Variants in ALKBH3 observed in about 807,000 individuals in gnomAD.
ALKBH3 encodes alkB homolog 3, alpha-ketoglutarate dependent dioxygenase.
In ALKBH3, 51 loss-of-function variants were observed where a neutral mutation model predicts 43.9. The ratio of observed to expected loss-of-function variants is 1.16; its 90% confidence interval spans 0.93 to 1.47. The LOEUF is 1.47. ALKBH3 is among the 40% of genes most tolerant of loss of function. ALKBH3 has a pLI of 0.00. For missense variants in ALKBH3, 361 were observed against 351.9 expected, an observed-to-expected ratio of 1.03 and a Z score of -0.21; for synonymous variants, 102 against 115.2, an observed-to-expected ratio of 0.89 and a Z score of 0.73.
chr11:43,915,696 A>G (rs1488651831), intron 8 of ALKBH3, among the ~76,000 whole-genome samples: 2 of 152,228 alleles, frequency 1.3e-5, no homozygotes, highest in Admixed American at 1.3e-4. Context: ...TTCTATAACC[A>G]TATTTTTGAA....
chr11:43,889,980 G>T (rs775974599), intron 6 of ALKBH3, 152 bp downstream of exon 6: 265 of 645,784 alleles, frequency 4.1e-4, no homozygotes, highest in Non-Finnish European at 6.3e-4. Context: ...AAAAGGACAG[G>T]GAAGAGTATT....
intron 8 of ALKBH3, chr11:43,912,613 A>G (rs918435010): frequency 1.3e-5 from 2 of 152,206 alleles, no homozygotes; most frequent in African/African-American, 4.8e-5. Flanking sequence ...GGAATCAGAG[A>G]TGATGTGGAA....
At chr11:43,888,404 A>G (rs1951760939) in intron 5 of ALKBH3, among the ~76,000 whole-genome samples, 3 of 152,222 alleles carry the variant, frequency 2.0e-5, no homozygotes, top group Non-Finnish European at 4.4e-5. Flanking sequence ...TACGTGGCCT[A>G]GGATAGATTT....
intron 8 of ALKBH3, among the ~76,000 whole-genome samples, chr11:43,911,145 G>A (rs1951935566): frequency 6.6e-6 from 1 of 152,238 alleles, no homozygotes; most frequent in South Asian, 2.1e-4. Context: ...AATTTGGGAA[G>A]AGGCAAGAGT....
chr11:43,919,820 G>T, intron 9 of ALKBH3, 98 bp from the exon 10 acceptor site: 1 of 1,136,842 alleles, frequency 8.8e-7, no homozygotes, highest in Non-Finnish European at 1.3e-6. Flanking sequence ...GGATGAGATG[G>T]AAATATTTCT....
chr11:43,903,774 A>G (rs561788738), intron 8 of ALKBH3, among the ~76,000 whole-genome samples: 1 of 152,260 alleles, frequency 6.6e-6, no homozygotes, highest in African/African-American at 2.4e-5. Context: ...CTATTTATAG[A>G]TTTGAAGCTT....
rs1951729047 is a variant in ALKBH3 at position 43,883,656 on chromosome 11, G to A, written c.184-327G>A. On this transcript the variant is annotated intron_variant, in intron 3 of 9. Coordinates refer to ENST00000302708, the MANE Select transcript of ALKBH3 (RefSeq NM_139178.4). Reference sequence around the variant, plus strand: ...TTAAAAAGTTGGGTTTCTTGCCATAGTAACAACCCTATAAATAATTATTAA... The same window carrying A: ...TTAAAAAGTTGGGTTTCTTGCCATAATAACAACCCTATAAATAATTATTAA... Among the ~76,000 whole-genome samples the A allele has an allele frequency of 2.0e-5, 3 of 152,176 alleles. No homozygotes were observed. In the South Asian group the frequency reaches 6.2e-4, roughly 31 times the overall value.
rs777193889 is a variant in ALKBH3, at chr11:43,892,108, C to G, written c.438C>G (p.Ile146Met). 4.3e-6 allele frequency: 7 copies of G among 1,612,338 alleles called. No homozygotes were observed. The Admixed American group carries it at 8.3e-5, about 19-fold the overall frequency. Residue 146 changes from isoleucine to methionine, a missense_variant, in exon 7 of 10, where the codon ATC becomes ATG. Transcript: ENST00000302708. ...AACTTCCTTACACTTATTCAAGAAT[C>G]ACTATGGAACCAAATCCTCACGTAT... ...YGELPYTYSR[I>M]TMEPNPHWHP...
At chr11:43,903,259 T>C (rs536875853) in intron 8 of ALKBH3, among the ~76,000 whole-genome samples, 11 of 152,316 alleles carry the variant, frequency 7.2e-5, no homozygotes, top group African/African-American at 2.4e-4. Context: ...CACTTGAGAA[T>C]CAGACAAACC....
intron 3 of ALKBH3, among the ~76,000 whole-genome samples, chr11:43,883,773 A>G (rs1436778666): frequency 6.6e-6 from 1 of 152,180 alleles, no homozygotes; most frequent in South Asian, 2.1e-4. Context: ...TATTCTATTA[A>G]TAATTGTATC....
chr11:43,898,176 C>T (rs772329155), intron 7 of ALKBH3: 21 of 1,221,440 alleles, frequency 1.7e-5, no homozygotes, highest in Non-Finnish European at 1.8e-5. Flanking sequence ...GATACCTGGG[C>T]GATTTGACTC....
intron 7 of ALKBH3, among the ~76,000 whole-genome samples, chr11:43,894,608 C>G (rs902138589): frequency 6.6e-6 from 1 of 152,124 alleles, no homozygotes; most frequent in Non-Finnish European, 1.5e-5. Context: ...GTATTCAGTC[C>G]CTGAGCAAGT....
At chr11:43,897,248 A>G (rs1430116892) in intron 7 of ALKBH3, 1 of 554,766 alleles carries the variant, frequency 1.8e-6, no homozygotes, top group Non-Finnish European at 3.5e-6. Flanking sequence ...TGGAACCGCG[A>G]CTGCTCCGCA....
At chr11:43,905,154 T>A (rs1004974500) in intron 8 of ALKBH3, among the ~76,000 whole-genome samples, 10 of 152,190 alleles carry the variant, frequency 6.6e-5, no homozygotes, top group African/African-American at 2.4e-4. Flanking sequence ...CAAAGAGAAA[T>A]AGTCTTGATT....
intron 8 of ALKBH3, among the ~76,000 whole-genome samples, chr11:43,903,516 G>A (rs78670960): frequency 0.061 from 9,254 of 152,268 alleles, 553 homozygotes; most frequent in Admixed American, 0.2. Context: ...CAGTGAATGA[G>A]TAAGATGAAA....
chr11:43,896,191 A>G (rs1951817116), intron 7 of ALKBH3, among the ~76,000 whole-genome samples: 1 of 152,148 alleles, frequency 6.6e-6, no homozygotes, highest in Non-Finnish European at 1.5e-5. Context: ...TAGGTTTTCA[A>G]GCAAAAATTA....
chr11:43,889,408 G>C (rs1466928011), intron 5 of ALKBH3, among the ~76,000 whole-genome samples: 1 of 152,212 alleles, frequency 6.6e-6, no homozygotes, highest in Non-Finnish European at 1.5e-5. Flanking sequence ...AGTTCAGAGA[G>C]GTTCAGTAAC....
intron 8 of ALKBH3, among the ~76,000 whole-genome samples, chr11:43,905,555 A>G (rs945421032): frequency 2.1e-4 from 32 of 151,980 alleles, no homozygotes; most frequent in East Asian, 1.9e-4. Context: ...CCTCAGGGGC[A>G]TAGTAGACTT....
rs1170637905 is a variant in ALKBH3, at chr11:43,889,807, C to CA, written c.350dup (p.Arg118GlufsTer49). Reference sequence around the variant, plus strand: ...GCTTTGTCAAGATGTTCCCTGGAAACAGAGGACTGGCATCAGAGAGGGTAA... The same window carrying CA: ...GCTTTGTCAAGATGTTCCCTGGAAACAAGAGGACTGGCATCAGAGAGGGTAA... On this transcript the variant is annotated frameshift_variant, in exon 6 of 10. Coordinates refer to ENST00000302708, the MANE Select transcript of ALKBH3 (RefSeq NM_139178.4). LOFTEE classifies it high-confidence loss of function. The CA allele has an allele frequency of 6.2e-7, 1 of 1,613,844 alleles. No homozygotes were observed. The highest frequency in any genetic ancestry group is 8.5e-7 in the Non-Finnish European group (1 of 1,179,768).
Sources: allele counts gnomAD v4.1 joint callset (sites outside exome capture counted in the v4.1 genomes callset), GRCh38; gene constraint gnomAD v4.1.1; transcripts MANE v1.5; gene names NCBI Gene and HGNC (gene_info 2026-07-23, HGNC 2026-07-21).